The following ZPBP variants were observed in gnomAD, a reference collection of about 807,000 sequenced individuals.
ZPBP encodes zona pellucida-binding protein 1.
In ZPBP, 26 loss-of-function variants were observed where a neutral mutation model predicts 44.8. The ratio of observed to expected loss-of-function variants is 0.58; its 90% confidence interval spans 0.43 to 0.81. ZPBP has a LOEUF of 0.81. ZPBP is among the 30% of genes least tolerant of loss of function. ZPBP has a pLI of 0.00. For synonymous variants in ZPBP, 174 were observed against 153.2 expected, an observed-to-expected ratio of 1.14 and a Z score of -1.00; for missense variants, 409 against 434.0, an observed-to-expected ratio of 0.94 and a Z score of 0.51.
At chr7:50,045,990 C>T (rs1012343791) in intron 4 of ZPBP, among the ~76,000 whole-genome samples, 2 of 152,272 alleles carry the variant, frequency 1.3e-5, no homozygotes, top group Non-Finnish European at 1.5e-5. Context: ...AGAAATAATG[C>T]TACACATCTA....
intron 4 of ZPBP, among the ~76,000 whole-genome samples, chr7:50,047,969 C>G (rs920160174): frequency 6.6e-6 from 1 of 152,110 alleles, no homozygotes; most frequent in African/African-American, 2.4e-5. Context: ...ATAACCTTAA[C>G]CTCAGTAGTT....
chr7:50,065,479 T>C (rs985377334), intron 3 of ZPBP, among the ~76,000 whole-genome samples: 1 of 151,048 alleles, frequency 6.6e-6, no homozygotes, highest in Non-Finnish European at 1.5e-5. Context: ...AGGTTGTTTT[T>C]CCTACTGCTT....
At chr7:50,025,297 T>G (rs1799273080) in intron 5 of ZPBP, among the ~76,000 whole-genome samples, 1 of 151,854 alleles carries the variant, frequency 6.6e-6, no homozygotes, top group South Asian at 2.1e-4. Context: ...TTCTAAAATT[T>G]ATGTGAAAAG....
At chr7:50,054,957 A>G (rs1800862134) in intron 4 of ZPBP, among the ~76,000 whole-genome samples, 1 of 152,170 alleles carries the variant, frequency 6.6e-6, no homozygotes, top group African/African-American at 2.4e-5. Flanking sequence ...TTAATTTATT[A>G]TATTGGCAAC....
intron 3 of ZPBP, among the ~76,000 whole-genome samples, chr7:50,069,641 A>G (rs1801730807): frequency 6.6e-6 from 1 of 152,096 alleles, no homozygotes; most frequent in Admixed American, 6.6e-5. Context: ...TCCCATAATC[A>G]CCACTAAATC....
chr7:50,014,622 G>T (rs901091280), intron 6 of ZPBP, among the ~76,000 whole-genome samples: 1 of 151,192 alleles, frequency 6.6e-6, no homozygotes, highest in Admixed American at 6.6e-5. Flanking sequence ...CTACCACCAC[G>T]CCCGGCTATT....
intron 2 of ZPBP, among the ~76,000 whole-genome samples, chr7:50,088,611 G>C (rs1219850855): frequency 6.6e-6 from 1 of 151,844 alleles, no homozygotes; most frequent in Non-Finnish European, 1.5e-5. Flanking sequence ...GACTTGAATA[G>C]GCATTTCTAC....
intron 6 of ZPBP, among the ~76,000 whole-genome samples, chr7:50,013,205 G>A (rs1016351341): frequency 6.6e-6 from 1 of 151,770 alleles, no homozygotes; most frequent in African/African-American, 2.4e-5. Context: ...TTATAATATA[G>A]TTATTTAAAT....
At chr7:49,977,680 A>G (rs1267998709) in intron 7 of ZPBP, among the ~76,000 whole-genome samples, 3 of 152,202 alleles carry the variant, frequency 2.0e-5, no homozygotes, top group African/African-American at 7.2e-5. Flanking sequence ...AAAAAGAGAA[A>G]GCAATAGGAA....
At chr7:49,985,845 T>C (rs1797251610) in intron 6 of ZPBP, among the ~76,000 whole-genome samples, 1 of 152,134 alleles carries the variant, frequency 6.6e-6, no homozygotes, top group African/African-American at 2.4e-5. Flanking sequence ...GCCTGCACAC[T>C]GGGAAAATGG....
intron 1 of ZPBP, among the ~76,000 whole-genome samples, chr7:49,922,988 G>A (rs150955592): frequency 4.3e-4 from 66 of 152,298 alleles, no homozygotes; most frequent in Non-Finnish European, 7.6e-4. Context: ...ACTGCAAAAT[G>A]TAATAACTGA....
At chr7:49,935,019 A>G (rs1583868475), downstream of ZPBP, among the ~76,000 whole-genome samples, 1 of 152,318 alleles carries the variant, frequency 6.6e-6, no homozygotes, top group East Asian at 1.9e-4. Context: ...GCTTTATGAC[A>G]ATAATCTCTC....
chr7:50,087,411 A>C (rs533142934), intron 2 of ZPBP, among the ~76,000 whole-genome samples: 16 of 151,960 alleles, frequency 1.1e-4, no homozygotes, highest in Non-Finnish European at 1.5e-4. Flanking sequence ...AGAACAAAAA[A>C]CACATTATCG....
At chr7:50,042,526 A>G (rs1425903146) in intron 4 of ZPBP, among the ~76,000 whole-genome samples, 1 of 152,218 alleles carries the variant, frequency 6.6e-6, no homozygotes, top group Non-Finnish European at 1.5e-5. Context: ...ACACTCTTAA[A>G]GAAAAGATTA....
intron 6 of ZPBP, among the ~76,000 whole-genome samples, chr7:50,016,276 T>C (rs1473320486): frequency 6.6e-6 from 1 of 152,202 alleles, no homozygotes; most frequent in Non-Finnish European, 1.5e-5. Context: ...TGAATGCAGC[T>C]GGAGGCCATT....
chr7:50,078,742 T>C (rs1241102110), intron 3 of ZPBP, among the ~76,000 whole-genome samples: 10 of 151,352 alleles, frequency 6.6e-5, no homozygotes, highest in African/African-American at 2.4e-4. Flanking sequence ...GAGCTCTGCA[T>C]AGTAAAAGAA....
At chr7:49,987,781 A>AC (rs1797373432) in intron 6 of ZPBP, among the ~76,000 whole-genome samples, 1 of 150,400 alleles carries the variant, frequency 6.6e-6, no homozygotes, top group Non-Finnish European at 1.5e-5. Context: ...TGCAATGTCT[A>AC]TAAAAAAGAG....
intron 1 of ZPBP, among the ~76,000 whole-genome samples, chr7:49,908,980 A>G (rs1203571257): frequency 1.3e-5 from 2 of 152,244 alleles, no homozygotes; most frequent in Non-Finnish European, 2.9e-5. Context: ...TTGCCCTGAC[A>G]TAGAAAGATT....
intron 6 of ZPBP, among the ~76,000 whole-genome samples, chr7:49,987,735 T>G (rs1347970483): frequency 7.7e-5 from 2 of 25,816 alleles, no homozygotes. Flanking sequence ...GTGTTGTGTG[T>G]GTGTGTGTGT....
Sources: gnomAD v4.1 joint callset for allele counts (sites outside exome capture counted in the v4.1 genomes callset) on GRCh38, gnomAD v4.1.1 for gene constraint, MANE v1.5 for transcripts, NCBI Gene and HGNC (gene_info 2026-07-23, HGNC 2026-07-21) for gene names.